The following NPAS3 variants were observed in gnomAD, a reference collection of about 807,000 sequenced individuals.
NPAS3 encodes neuronal PAS domain protein 3, also known as neuronal PAS domain-containing protein 3.
Under a neutral mutation model 73.1 loss-of-function variants are expected in NPAS3, and 14 were observed. The observed-to-expected ratio is 0.19, with a 90% CI of 0.13 to 0.30. The LOEUF is 0.30. Ranked by LOEUF, NPAS3 falls within the 10% of genes least tolerant of loss-of-function variation. NPAS3 has a pLI of 1.00. For synonymous variants in NPAS3, 620 were observed against 541.5 expected, an observed-to-expected ratio of 1.14 and a Z score of -2.01; for missense variants, 1,096 against 1,250.0, an observed-to-expected ratio of 0.88 and a Z score of 1.86.
At chr14:33,064,933 T>C (rs1268290001) in intron 2 of NPAS3, among the ~76,000 whole-genome samples, 1 of 152,190 alleles carries the variant, frequency 6.6e-6, no homozygotes, top group Non-Finnish European at 1.5e-5. Flanking sequence ...AATTTGTATA[T>C]GAGCAGCTTA....
intron 4 of NPAS3, among the ~76,000 whole-genome samples, chr14:33,522,870 G>C (rs2053618949): frequency 6.6e-6 from 1 of 151,974 alleles, no homozygotes; most frequent in South Asian, 2.1e-4. Flanking sequence ...GAGGTTAATT[G>C]GTACATACTT....
intron 4 of NPAS3, among the ~76,000 whole-genome samples, chr14:33,506,718 T>C (rs555509234): frequency 7.9e-5 from 12 of 152,194 alleles, no homozygotes; most frequent in Admixed American, 1.3e-4. Context: ...ATCATAAGCA[T>C]TAAATATTTA....
At chr14:33,349,857 T>G (rs1025298194) in intron 3 of NPAS3, among the ~76,000 whole-genome samples, 1 of 152,206 alleles carries the variant, frequency 6.6e-6, no homozygotes, top group Non-Finnish European at 1.5e-5. Context: ...CTTTATATCC[T>G]TTTGTACAGT....
chr14:32,994,260 T>C (rs2038459848), intron 1 of NPAS3, among the ~76,000 whole-genome samples: 4 of 152,214 alleles, frequency 2.6e-5, no homozygotes, highest in Admixed American at 2.6e-4. Flanking sequence ...ATGTAAATGG[T>C]TTGGGCATTC....
chr14:32,936,799 G>A (rs1452492343), upstream of NPAS3, among the ~76,000 whole-genome samples: 2 of 152,180 alleles, frequency 1.3e-5, no homozygotes, highest in Non-Finnish European at 2.9e-5. Context: ...CTCAAGGCAG[G>A]AGCACCAGGG....
intron 4 of NPAS3, among the ~76,000 whole-genome samples, chr14:33,482,133 T>C (rs989185264): frequency 3.3e-5 from 5 of 151,582 alleles, no homozygotes; most frequent in African/African-American, 1.2e-4. Flanking sequence ...AAACGAAAGG[T>C]TCTTCAAGTA....
intron 5 of NPAS3, among the ~76,000 whole-genome samples, chr14:33,584,614 A>C (rs1197681009): frequency 3.3e-5 from 5 of 152,218 alleles, no homozygotes; most frequent in African/African-American, 1.2e-4. Context: ...CTTCTAGCCA[A>C]CAGGAGGAAA....
chr14:32,972,629 C>T (rs1349008278), intron 1 of NPAS3, among the ~76,000 whole-genome samples: 3 of 152,218 alleles, frequency 2.0e-5, no homozygotes, highest in African/African-American at 7.2e-5. Flanking sequence ...CCTGCTCACC[C>T]ATTGCTCTCC....
At chr14:33,384,307 G>A (rs569244862) in intron 4 of NPAS3, among the ~76,000 whole-genome samples, 2 of 151,998 alleles carry the variant, frequency 1.3e-5, no homozygotes, top group South Asian at 4.2e-4. Flanking sequence ...TCTATAAAAT[G>A]GACGGATTTT....
chr14:33,580,812 C>T (rs1276789849), intron 5 of NPAS3, among the ~76,000 whole-genome samples: 1 of 152,174 alleles, frequency 6.6e-6, no homozygotes, highest in Non-Finnish European at 1.5e-5. Context: ...CCCCCTACCC[C>T]AGGGTGGCTT....
intron 9 of NPAS3, among the ~76,000 whole-genome samples, chr14:33,790,548 G>T (rs1287448141): frequency 6.7e-6 from 1 of 150,222 alleles, no homozygotes; most frequent in African/African-American, 2.4e-5. Context: ...TTGCCAGTAT[G>T]ACTTTTTTTT....
At chr14:33,550,661 C>T (rs940215526) in intron 4 of NPAS3, among the ~76,000 whole-genome samples, 4 of 152,158 alleles carry the variant, frequency 2.6e-5, no homozygotes, top group Admixed American at 2.6e-4. Context: ...GCAAAGCAGC[C>T]GAGAGCCATA....
chr14:33,373,892 G>A (rs1310694808), intron 4 of NPAS3, among the ~76,000 whole-genome samples: 2 of 152,148 alleles, frequency 1.3e-5, no homozygotes, highest in Non-Finnish European at 2.9e-5. Flanking sequence ...CTGACTGGGA[G>A]TGGATCAGAA....
chr14:33,508,069 A>G (rs923887035), intron 4 of NPAS3, among the ~76,000 whole-genome samples: 2 of 151,998 alleles, frequency 1.3e-5, no homozygotes, highest in African/African-American at 2.4e-5. Context: ...GTGCCATTCA[A>G]TCTCCTAGTC....
At chr14:33,459,428 G>C (rs2050160028) in intron 4 of NPAS3, among the ~76,000 whole-genome samples, 1 of 152,200 alleles carries the variant, frequency 6.6e-6, no homozygotes, top group African/African-American at 2.4e-5. Flanking sequence ...CACTTAACCA[G>C]TGAGAAAGTC....
chr14:33,241,774 A>G (rs1395160979), intron 3 of NPAS3, among the ~76,000 whole-genome samples: 1 of 152,052 alleles, frequency 6.6e-6, no homozygotes, highest in Non-Finnish European at 1.5e-5. Flanking sequence ...TTTAATTGGC[A>G]TGACTAAGGC....
At chr14:33,496,105 G>A (rs771178486) in intron 4 of NPAS3, among the ~76,000 whole-genome samples, 5 of 152,096 alleles carry the variant, frequency 3.3e-5, no homozygotes, top group Non-Finnish European at 5.9e-5. Flanking sequence ...TAGAAGAAAT[G>A]TATAGATTCC....
chr14:33,346,203 C>T lies in NPAS3; in HGVS notation c.386-20983C>T, dbSNP rs137905006. Among the ~76,000 whole-genome samples the T allele has an allele frequency of 2.4e-3, 336 of 141,030 alleles. 2 individuals are homozygous for T. The highest frequency in any genetic ancestry group is 8.3e-3 in the African/African-American group (305 of 36,782). 92.5% of individuals were successfully genotyped at this position (141,030 alleles called of 152,430 possible). A position where few individuals can be genotyped will look rare whatever the true frequency, so the allele number is the denominator to read the frequency against. On this transcript the variant is annotated intron_variant, in intron 3 of 11. Coordinates refer to ENST00000356141, the Ensembl canonical transcript of NPAS3. ...TTGAGCCACTGCACTCCAGCCTGGG[C>T]GACAGAGGGAGACTCCGTCTCAAAA...
At chr14:33,530,749 C>G (rs1451641100) in intron 4 of NPAS3, among the ~76,000 whole-genome samples, 1 of 151,752 alleles carries the variant, frequency 6.6e-6, no homozygotes, top group Non-Finnish European at 1.5e-5. Flanking sequence ...ACAACTTGTT[C>G]CTCCCAAAAA....
Sources: allele counts gnomAD v4.1 joint callset (sites outside exome capture counted in the v4.1 genomes callset), GRCh38; gene constraint gnomAD v4.1.1; transcripts MANE v1.5; gene names NCBI Gene and HGNC (gene_info 2026-07-23, HGNC 2026-07-21).